Variants in SUGCT observed in about 807,000 individuals in gnomAD.
The protein encoded by SUGCT is succinyl-CoA:glutarate-CoA transferase.
SUGCT carries 41 observed loss-of-function variants against 55.0 expected under a neutral mutation model. The ratio of observed to expected loss-of-function variants is 0.74; its 90% CI spans 0.58 to 0.97. The LOEUF is 0.97. Ranked by LOEUF, SUGCT falls within the 50% of genes least tolerant of loss-of-function variation. The pLI is 0.00. For synonymous variants in SUGCT, 187 were observed against 200.4 expected (o/e 0.93, Z 0.56); for missense variants, 568 against 547.8 (o/e 1.04, Z -0.37).
At chr7:40,757,849 G>A (rs7802894) in intron 13 of SUGCT, among the ~76,000 whole-genome samples, 40,881 of 151,980 alleles carry the variant, frequency 0.27, 6,454 homozygotes, top group East Asian at 0.41. Context: ...TCTTGATTGC[G>A]TTCCTGGTAT....
chr7:40,192,887 C>A (rs980487911), intron 5 of SUGCT, among the ~76,000 whole-genome samples: 1 of 151,576 alleles, frequency 6.6e-6, no homozygotes, highest in Non-Finnish European at 1.5e-5. Flanking sequence ...CCTGCCTCAG[C>A]CTCCCAAAGA....
At chr7:40,552,415 C>T (rs1351430168) in intron 12 of SUGCT, among the ~76,000 whole-genome samples, 1 of 152,134 alleles carries the variant, frequency 6.6e-6, no homozygotes, top group Non-Finnish European at 1.5e-5. Context: ...GCTGCACTCT[C>T]TGAGCCTGGA....
intron 12 of SUGCT, among the ~76,000 whole-genome samples, chr7:40,618,718 T>G (rs181613853): frequency 7.9e-5 from 12 of 152,356 alleles, no homozygotes; most frequent in African/African-American, 2.6e-4. Flanking sequence ...CTCATTTGAC[T>G]TTTATAATTT....
At chr7:40,188,669 C>A in intron 4 of SUGCT, 89 bp downstream of exon 4, 6 of 755,500 alleles carry the variant, frequency 7.9e-6, no homozygotes, top group African/African-American at 1.9e-5. Flanking sequence ...TTTTTTTCTT[C>A]CTTAAAAAAA....
chr7:40,389,636 A>G (rs1017895557), intron 9 of SUGCT, among the ~76,000 whole-genome samples: 4 of 152,212 alleles, frequency 2.6e-5, no homozygotes, highest in African/African-American at 9.6e-5. Context: ...GCAATAAGGT[A>G]AATATTATTT....
chr7:40,195,094 G>A (rs1786167768), intron 6 of SUGCT, 34 bp downstream of exon 6: 1 of 1,554,762 alleles, frequency 6.4e-7, no homozygotes, highest in African/African-American at 1.4e-5. Context: ...CAGTTAAAAG[G>A]TTTTCCAGTT....
chr7:40,316,140 A>C (rs1407430815), intron 8 of SUGCT, among the ~76,000 whole-genome samples: 1 of 152,202 alleles, frequency 6.6e-6, no homozygotes, highest in Non-Finnish European at 1.5e-5. Flanking sequence ...GGAGAAGTAC[A>C]GTAATGTTTC....
the SUGCT span, among the ~76,000 whole-genome samples, chr7:40,911,904 A>T: frequency 4.0e-4 from 61 of 152,242 alleles, no homozygotes; most frequent in African/African-American, 1.5e-3. Flanking sequence ...GTGTGTGTGG[A>T]TGTACGCGTG....
the SUGCT span, among the ~76,000 whole-genome samples, chr7:40,987,574 A>T: frequency 1.3e-5 from 2 of 152,210 alleles, no homozygotes; most frequent in African/African-American, 2.4e-5. Context: ...AAGAAAAGGA[A>T]TTCTATGACT....
At position 40,812,305 on chromosome 7, in the gene SUGCT, C is replaced by T. The variant is rs190276628; in HGVS notation, c.1154-48011C>T. Among the ~76,000 whole-genome samples, 5 of 152,172 alleles carry T rather than the reference C, an allele frequency of 3.3e-5. No homozygotes were observed. In the East Asian group the frequency reaches 5.8e-4, roughly 18 times the overall value. On this transcript the variant is annotated intron_variant, in intron 13 of 13. Coordinates refer to ENST00000335693, the MANE Select transcript of SUGCT (RefSeq NM_001193313.2). ...AGTTTCAGTAGAATTGGTACCATCT[C>T]TTCTTTGTACATCAGGTAGAATTCA...
intron 12 of SUGCT, among the ~76,000 whole-genome samples, chr7:40,701,670 A>G (rs1257740920): frequency 6.6e-6 from 1 of 152,210 alleles, no homozygotes; most frequent in Non-Finnish European, 1.5e-5. Flanking sequence ...TTTCTACCAA[A>G]TTTTGTTTAA....
chr7:40,358,752 A>ACAC, intron 9 of SUGCT, among the ~76,000 whole-genome samples: 1 of 152,084 alleles, frequency 6.6e-6, no homozygotes, highest in East Asian at 1.9e-4. Flanking sequence ...AACAACAACA[A>ACAC]CACTACTATT....
At chr7:41,036,529 G>C in the SUGCT span, among the ~76,000 whole-genome samples, 1,234 of 152,158 alleles carry the variant, frequency 8.1e-3, 13 homozygotes, top group African/African-American at 0.028. Context: ...TCCGATTTCT[G>C]TATTTCCTCC....
chr7:40,322,335 A>G (rs1198380183), intron 9 of SUGCT, among the ~76,000 whole-genome samples: 2 of 152,174 alleles, frequency 1.3e-5, no homozygotes, highest in Admixed American at 6.5e-5. Context: ...ATGAGTTTTT[A>G]TGCTCTCTAG....
At chr7:40,680,778 A>C (rs1004211306) in intron 12 of SUGCT, among the ~76,000 whole-genome samples, 1 of 152,192 alleles carries the variant, frequency 6.6e-6, no homozygotes, top group East Asian at 1.9e-4. Flanking sequence ...CAAATCAGGC[A>C]TGTGTGGCCA....
chr7:40,355,374 A>T (rs987272820), intron 9 of SUGCT, among the ~76,000 whole-genome samples: 2 of 152,182 alleles, frequency 1.3e-5, no homozygotes, highest in African/African-American at 4.8e-5. Context: ...ACCTATGACA[A>T]TTTCTTACTA....
the SUGCT span, among the ~76,000 whole-genome samples, chr7:40,989,026 C>T: frequency 6.6e-6 from 1 of 151,584 alleles, no homozygotes; most frequent in Admixed American, 6.6e-5. Flanking sequence ...ATGATATTTA[C>T]ACTATACTGT....
At chr7:41,011,829 A>C in the SUGCT span, among the ~76,000 whole-genome samples, 1 of 152,186 alleles carries the variant, frequency 6.6e-6, no homozygotes, top group African/African-American at 2.4e-5. Context: ...TTGTATACAG[A>C]TAGATGCCAC....
At chr7:40,882,127 T>C in the SUGCT span, among the ~76,000 whole-genome samples, 1 of 152,226 alleles carries the variant, frequency 6.6e-6, no homozygotes, top group Non-Finnish European at 1.5e-5. Flanking sequence ...ATGCCTCCCA[T>C]TGCTCTCCAG....
Sources: allele counts gnomAD v4.1 joint callset (sites outside exome capture counted in the v4.1 genomes callset), GRCh38; gene constraint gnomAD v4.1.1; transcripts MANE v1.5; gene names NCBI Gene and HGNC (gene_info 2026-07-23, HGNC 2026-07-21).